Variants in FAM161B observed in about 807,000 individuals in gnomAD.
FAM161B encodes the protein FAM161 centrosomal protein B, also known as protein FAM161B.
In FAM161B, 46 loss-of-function variants were observed where a neutral mutation model predicts 61.5. The observed-to-expected ratio is 0.75, with a 90% CI of 0.59 to 0.96. FAM161B has a LOEUF of 0.96. Ranked by LOEUF, FAM161B falls within the 40% of genes least tolerant of loss-of-function variation. The probability of loss-of-function intolerance (pLI) is 0.00; values close to 1 mark genes in which losing one functional copy is unlikely to be tolerated. For missense variants in FAM161B, 774 were observed against 800.7 expected (o/e 0.97, Z 0.40); for synonymous variants, 284 against 302.7 (o/e 0.94, Z 0.64).
At chr14:73,929,518 T>C (rs17094043), downstream of FAM161B, among the ~76,000 whole-genome samples, 4,834 of 152,198 alleles carry the variant, frequency 0.032, 266 homozygotes, top group African/African-American at 0.11. Context: ...AAAAATAGCT[T>C]ATCAAGAATA....
downstream of FAM161B, among the ~76,000 whole-genome samples, chr14:73,929,685 T>C (rs1482844408): frequency 2.0e-5 from 3 of 151,390 alleles, no homozygotes; most frequent in African/African-American, 7.3e-5. Flanking sequence ...AAAAATAAAA[T>C]AAAATTAGCT....
At chr14:73,942,802 TGTAA>T (rs1180235517) in intron 3 of FAM161B, 87 bp from the exon 4 acceptor site, 13 of 1,236,714 alleles carry the variant, frequency 1.1e-5, no homozygotes, top group Middle Eastern at 2.0e-4. Context: ...ACACACTAGC[TGTAA>T]GTGTTACTGG....
chr14:73,923,464 TGCAGTCAGGGAG>T, the FAM161B span: 1 of 1,614,066 alleles, frequency 6.2e-7, no homozygotes, highest in South Asian at 1.1e-5. Context: ...CTGGTGACCA[TGCAGTCAGGGAG>T]GCAATCATAT....
In FAM161B at chr14:73,936,067, C is replaced by G; in HGVS notation, c.1687G>C (p.Glu563Gln). 3.7e-6 allele frequency: 6 copies of G among 1,610,566 alleles called. No individual in the cohort carries two copies. Among genetic ancestry groups the G allele is most frequent in the South Asian group, 2.2e-5 (2 of 90,286 alleles). Residue 563 changes from glutamate (E) to glutamine (Q), a missense_variant, in exon 8 of 9, where the codon GAA (glutamate) becomes CAA (glutamine). By Grantham distance (29) the Glu-to-Gln change is conservative (BLOSUM62 2). Coordinates refer to ENST00000286544, the MANE Select transcript of FAM161B (RefSeq NM_152445.3). Reference protein sequence around the residue: ...VAKDLAKKEAEQWYLDTLKQA... With the variant: ...VAKDLAKKEAQQWYLDTLKQA... ...TTCAGGGTGTCTAGATACCACTGTT[C>G]TGCTTCTTTCTTGGCTAGATCCTGT...
chr14:73,940,902 G>A (rs372074550), intron 5 of FAM161B, 24 bp downstream of exon 5: 46 of 1,594,432 alleles, frequency 2.9e-5, no homozygotes, highest in Non-Finnish European at 3.9e-5. Context: ...CAGAGCATGG[G>A]TCTCGTGCAG....
intron 3 of FAM161B, among the ~76,000 whole-genome samples, chr14:73,943,083 G>C (rs937734616): frequency 8.5e-5 from 13 of 152,152 alleles, no homozygotes; most frequent in African/African-American, 3.1e-4. Flanking sequence ...AAGTGGGCCA[G>C]TAACCTGCTC....
At position 73,934,373 on chromosome 14, in the gene FAM161B, G is replaced by A; in HGVS notation, c.1827C>T (p.Leu609=). 6.2e-7 allele frequency: 1 copy of A among 1,606,274 alleles called. No individual in the cohort carries two copies. Among genetic ancestry groups the A allele is most frequent in the East Asian group, 2.2e-5 (1 of 44,852 alleles). ...DFPRFQETTK[L]SIRDPEQGLE... ...AACCCTGCTCTGGATCTCTGATGCT[G>A]AGTTTTGTAGTTTCTTGGAACCTGC... Residue 609 remains leucine (L), a synonymous_variant, in exon 9 of 9, where the codon CTC becomes CTT. Transcript: ENST00000286544.
At chr14:73,941,413 C>T (rs917722128) in intron 4 of FAM161B, among the ~76,000 whole-genome samples, 9 of 152,040 alleles carry the variant, frequency 5.9e-5, no homozygotes, top group South Asian at 2.1e-4. Flanking sequence ...TGAACTACCG[C>T]GCCCAGCCAT....
At chr14:73,938,569 G>A (rs1033822495) in intron 5 of FAM161B, among the ~76,000 whole-genome samples, 8 of 151,856 alleles carry the variant, frequency 5.3e-5, no homozygotes, top group East Asian at 3.9e-4. Flanking sequence ...TCAGGAGATC[G>A]AGACTATCCT....
At position 73,942,691 on chromosome 14, in the gene FAM161B, C is replaced by T. The variant is rs146087407; in HGVS notation, c.950G>A (p.Arg317His). Residue 317 changes from arginine (R) to histidine (H), a missense_variant, in exon 4 of 9, where the codon CGC becomes CAC. Physicochemically the swap from Arg to His is conservative, Grantham distance 29 (BLOSUM62 0). Coordinates refer to ENST00000286544, the MANE Select transcript of FAM161B (RefSeq NM_152445.3). ...CATGTCCAGGGCTCTCATTTGGATG[C>T]GAATTTTCCTGAAGAGCTCAGCTTC... The part of the protein sequence containing the change: ...LQEAELFRKI[R>H]IQMRALDMLQ... 1.3e-5 allele frequency: 21 copies of T among 1,613,304 alleles called. No individual in the cohort carries two copies. Among genetic ancestry groups the T allele is most frequent in the African/African-American group, 4.0e-5 (3 of 74,984 alleles).
intron 4 of FAM161B, among the ~76,000 whole-genome samples, chr14:73,941,689 A>G (rs564411804): frequency 6.6e-6 from 1 of 152,096 alleles, no homozygotes; most frequent in South Asian, 2.1e-4. Flanking sequence ...GAGGAAAAGA[A>G]GTGTCCCTAT....
intron 3 of FAM161B, 93 bp downstream of exon 3, chr14:73,944,242 C>T (rs1306799148): frequency 3.3e-6 from 5 of 1,510,590 alleles, no homozygotes; most frequent in Non-Finnish European, 4.4e-6. Context: ...AGCAAATCTC[C>T]AAGCCAGGCA....
At position 73,946,276 on chromosome 14, in the gene FAM161B, A is replaced by G; in HGVS notation, c.374+10T>C. 2 of 1,607,632 alleles carry G rather than the reference A, an allele frequency of 1.2e-6. No homozygotes were observed. Among genetic ancestry groups the G allele is most frequent in the Non-Finnish European group, 1.7e-6 (2 of 1,175,668 alleles). ...TGGAGTGAGGCAGCCGTGGAGCTGC[A>G]GTGCCTTACCTCAGAGCCTGCGGGC... On this transcript the variant is annotated intron_variant, in intron 2 of 8. Transcript: ENST00000286544.
At chr14:73,931,901 CA>C (rs1232164531), downstream of FAM161B, 3 of 456,180 alleles carry the variant, frequency 6.6e-6, no homozygotes, top group Non-Finnish European at 1.3e-5. Flanking sequence ...ATCCCAGACT[CA>C]GCTGTCTTTT....
downstream of FAM161B, among the ~76,000 whole-genome samples, chr14:73,929,610 G>A (rs2055882205): frequency 6.6e-6 from 1 of 152,062 alleles, no homozygotes; most frequent in South Asian, 2.1e-4. Flanking sequence ...GCTGGGGTGG[G>A]AGGATCAATT....
Position 73,933,222 on chromosome 14 carries a change from C to T in FAM161B, c.*1034G>A, listed in dbSNP as rs2055940324. The T allele has an allele frequency of 1.3e-5, 2 of 152,338 alleles. No homozygotes were observed. Among genetic ancestry groups the T allele is most frequent in the South Asian group, 4.1e-4 (2 of 4,826 alleles). 9.4% of individuals were successfully genotyped at this position (152,338 alleles called of 1,614,324 possible). Reference sequence around the variant, plus strand: ...TAGAGCAGTGGTTCTCAGCCAGGCACATTTTTGCCCCCTGGGGATATGCAA... The same window carrying T: ...TAGAGCAGTGGTTCTCAGCCAGGCATATTTTTGCCCCCTGGGGATATGCAA... On this transcript the variant is annotated 3_prime_UTR_variant, in exon 9 of 9. Transcript: ENST00000286544.
At position 73,938,161 on chromosome 14, in the gene FAM161B, C is replaced by T. The variant is rs964522128; in HGVS notation, c.1401-49G>A. 19 of 1,599,388 alleles carry T rather than the reference C, an allele frequency of 1.2e-5. No homozygotes were observed. In the Admixed American group the frequency reaches 2.0e-4, roughly 17 times the overall value. ...AGTATAGATTACCAACCTGGGTATA[C>T]TGAAAAGCAATCTTAGGCCAGGTGT... On this transcript the variant is annotated intron_variant, in intron 5 of 8. Transcript: ENST00000286544.
chr14:73,946,405 A>G lies in FAM161B; in HGVS notation c.255T>C (p.Ser85=), dbSNP rs546261971. 5 of 1,614,094 alleles carry G rather than the reference A, an allele frequency of 3.1e-6. No individual in the cohort carries two copies. Among genetic ancestry groups the G allele is most frequent in the East Asian group, 4.5e-5 (2 of 44,882 alleles). The change falls in exon 2 of 9, where the codon TCT becomes TCC. Residue 85 remains serine (S), a synonymous_variant. Coordinates refer to ENST00000286544, the MANE Select transcript of FAM161B (RefSeq NM_152445.3). ...CACTCTCTGGGTCAGACTGAAAGAGAGACTCCAACAGACACCATCTCCCTT... is the reference window on the plus strand; with the variant it reads ...CACTCTCTGGGTCAGACTGAAAGAGGGACTCCAACAGACACCATCTCCCTT... ...KQKGRWCLLE[S]LFQSDPESDE...
At chr14:73,944,907 G>A in intron 2 of FAM161B, 22 bp from the exon 3 acceptor site, 1 of 1,498,856 alleles carries the variant, frequency 6.7e-7, no homozygotes. Flanking sequence ...GCAGATCTGT[G>A]AGTGGAGGAC....
Sources: allele counts gnomAD v4.1 joint callset (sites outside exome capture counted in the v4.1 genomes callset), GRCh38; gene constraint gnomAD v4.1.1; transcripts MANE v1.5; gene names NCBI Gene and HGNC (gene_info 2026-07-23, HGNC 2026-07-21).